Variants in EPB41L4A observed in about 807,000 individuals in gnomAD.
The protein encoded by EPB41L4A is erythrocyte membrane protein band 4.1 like 4A.
In EPB41L4A, 100 loss-of-function variants were observed where a neutral mutation model predicts 108.6. That is an observed-to-expected ratio of 0.92 (90% CI 0.78 to 1.09). The LOEUF is 1.09. Among genes scored for constraint, EPB41L4A ranks in the 50% least tolerant of loss-of-function variants. EPB41L4A has a pLI of 0.00. For missense variants in EPB41L4A, 1,030 were observed against 842.7 expected (o/e 1.22, Z -2.75); for synonymous variants, 319 against 289.0 (o/e 1.10, Z -1.05).
intron 3 of EPB41L4A, among the ~76,000 whole-genome samples, chr5:112,276,430 T>C (rs570716390): frequency 3.3e-5 from 5 of 152,334 alleles, no homozygotes; most frequent in African/African-American, 9.6e-5. Context: ...AGGGTATCAA[T>C]CTAATCTGTA....
intron 1 of EPB41L4A, among the ~76,000 whole-genome samples, chr5:112,314,284 T>C (rs1362079218): frequency 6.6e-6 from 1 of 151,836 alleles, no homozygotes; most frequent in Non-Finnish European, 1.5e-5. Flanking sequence ...AAAAGGGGCT[T>C]CATTTCTAAG....
At chr5:112,213,348 TTTTTG>T (rs1184487166) in intron 12 of EPB41L4A, among the ~76,000 whole-genome samples, 1 of 98,454 alleles carries the variant, frequency 1.0e-5, no homozygotes, top group East Asian at 1.0e-3. Context: ...ACAGTTTTTT[TTTTTG>T]TTTTTTTTTT....
In EPB41L4A at chr5:112,163,831, A is replaced by G. The variant is rs565590058; in HGVS notation, c.*1159T>C. On this transcript the variant is annotated 3_prime_UTR_variant, in exon 23 of 23. Coordinates refer to ENST00000261486, the MANE Select transcript of EPB41L4A (RefSeq NM_022140.5). ...AAGTAGCAAGGATCTAGCTGAGAGA[A>G]TAATTGAATACATTAATATAGGAGG... is the stretch of plus-strand genomic sequence containing the variant. 1 of 152,340 alleles carries G rather than the reference A, an allele frequency of 6.6e-6. No individual in the cohort carries two copies. Among genetic ancestry groups the G allele is most frequent in the Admixed American group, 6.5e-5 (1 of 15,302 alleles). The allele number at this position is 152,340 out of a possible 1,614,324, so 9.4% of individuals were successfully genotyped here. A position where few individuals can be genotyped will look rare whatever the true frequency, so the allele number is the denominator to read the frequency against.
At chr5:112,302,004 A>T (rs1754391567) in intron 2 of EPB41L4A, among the ~76,000 whole-genome samples, 1 of 152,116 alleles carries the variant, frequency 6.6e-6, no homozygotes, top group Admixed American at 6.6e-5. Flanking sequence ...CTGATTTTTA[A>T]AAAAGAGCTT....
intron 1 of EPB41L4A, among the ~76,000 whole-genome samples, chr5:112,410,795 C>A (rs1762363871): frequency 6.6e-6 from 1 of 152,178 alleles, no homozygotes; most frequent in South Asian, 2.1e-4. Flanking sequence ...TGCTGGAGGA[C>A]TTCAGGAGAA....
chr5:112,175,963 T>C (rs942287470), intron 18 of EPB41L4A, among the ~76,000 whole-genome samples: 1 of 152,164 alleles, frequency 6.6e-6, no homozygotes, highest in East Asian at 1.9e-4. Flanking sequence ...GCTGTAGTGG[T>C]TCCTAAATCC....
At chr5:112,158,460 A>T (rs185424477), downstream of EPB41L4A, 6 of 419,380 alleles carry the variant, frequency 1.4e-5, no homozygotes, top group Admixed American at 1.7e-4. Context: ...AACAAATATC[A>T]GAGGTAGATA....
chr5:112,400,903 C>T (rs17134480), intron 1 of EPB41L4A, among the ~76,000 whole-genome samples: 4,458 of 152,216 alleles, frequency 0.029, 233 homozygotes, highest in African/African-American at 0.1. Flanking sequence ...GTTAAAACTT[C>T]CATGGAACTG....
At chr5:112,142,199 C>T (rs188770914), downstream of EPB41L4A, among the ~76,000 whole-genome samples, 25 of 152,318 alleles carry the variant, frequency 1.6e-4, no homozygotes, top group Admixed American at 9.8e-4. Context: ...CCACTTACCA[C>T]TACTCCTCTC....
chr5:112,284,581 C>G (rs1753164333), intron 2 of EPB41L4A, among the ~76,000 whole-genome samples: 1 of 152,158 alleles, frequency 6.6e-6, no homozygotes, highest in African/African-American at 2.4e-5. Context: ...TCTGTATATG[C>G]TGACAAGCTG....
chr5:112,309,594 A>C (rs1754916342), intron 1 of EPB41L4A, among the ~76,000 whole-genome samples: 1 of 152,160 alleles, frequency 6.6e-6, no homozygotes, highest in South Asian at 2.1e-4. Flanking sequence ...AAGCAAATTT[A>C]CCAAATGCCC....
intron 15 of EPB41L4A, among the ~76,000 whole-genome samples, chr5:112,200,298 T>G (rs547404336): frequency 1.3e-5 from 2 of 152,324 alleles, no homozygotes; most frequent in Admixed American, 1.3e-4. Flanking sequence ...CCAACCTCTT[T>G]GGCTCAGTGA....
chr5:112,275,943 G>A (rs934763533), intron 3 of EPB41L4A, among the ~76,000 whole-genome samples: 3 of 151,972 alleles, frequency 2.0e-5, no homozygotes, highest in African/African-American at 7.3e-5. Flanking sequence ...AAATTTCCGA[G>A]CACAGAAATA....
chr5:112,331,971 G>A (rs1756601662), intron 1 of EPB41L4A, among the ~76,000 whole-genome samples: 1 of 152,200 alleles, frequency 6.6e-6, no homozygotes, highest in Admixed American at 6.5e-5. Context: ...AATCATAGGA[G>A]CATTTCTTGT....
At chr5:112,408,177 C>G (rs1330249775) in intron 1 of EPB41L4A, among the ~76,000 whole-genome samples, 1 of 151,958 alleles carries the variant, frequency 6.6e-6, no homozygotes, top group Non-Finnish European at 1.5e-5. Context: ...GTCTTTTTAA[C>G]AAATGGTGTT....
At chr5:112,274,466 G>C (rs1752483494) in intron 4 of EPB41L4A, among the ~76,000 whole-genome samples, 1 of 152,172 alleles carries the variant, frequency 6.6e-6, no homozygotes, top group Non-Finnish European at 1.5e-5. Context: ...TTATTCTTCT[G>C]TGTGCAGTCC....
chr5:112,152,894 G>A (rs537845437), intron 12 of EPB41L4A, among the ~76,000 whole-genome samples: 12 of 152,280 alleles, frequency 7.9e-5, no homozygotes, highest in African/African-American at 2.9e-4. Context: ...TCAATTGTAT[G>A]AATATGGATG....
intron 18 of EPB41L4A, among the ~76,000 whole-genome samples, chr5:112,183,112 C>T (rs994683520): frequency 3.3e-5 from 5 of 152,162 alleles, no homozygotes; most frequent in East Asian, 1.9e-4. Flanking sequence ...GTGAACCCCC[C>T]GGTACACTCC....
At chr5:112,185,581 C>G (rs1307471903) in intron 17 of EPB41L4A, among the ~76,000 whole-genome samples, 1 of 152,136 alleles carries the variant, frequency 6.6e-6, no homozygotes, top group South Asian at 2.1e-4. Flanking sequence ...TATGTATTTC[C>G]TCACTAAAGT....
Sources: gnomAD v4.1 joint callset for allele counts (sites outside exome capture counted in the v4.1 genomes callset) on GRCh38, gnomAD v4.1.1 for gene constraint, MANE v1.5 for transcripts, NCBI Gene and HGNC (gene_info 2026-07-23, HGNC 2026-07-21) for gene names.